Variants in DLGAP2 observed in about 807,000 individuals in gnomAD.
The protein encoded by DLGAP2 is disks large-associated protein 2.
In DLGAP2, 26 loss-of-function variants were observed where a neutral mutation model predicts 100.3. That is an observed-to-expected ratio of 0.26 (90% CI 0.19 to 0.36). DLGAP2 has a LOEUF of 0.36. Among genes scored for constraint, DLGAP2 ranks in the 10% least tolerant of loss-of-function variants. DLGAP2 has a pLI of 1.00. For missense variants in DLGAP2, 1,858 were observed against 1,453.2 expected (o/e 1.28, Z -4.53); for synonymous variants, 886 against 630.1 (o/e 1.41, Z -6.08).
At chr8:1,322,898 T>G (rs1479680956) in intron 3 of DLGAP2, among the ~76,000 whole-genome samples, 4 of 152,232 alleles carry the variant, frequency 2.6e-5, no homozygotes, top group Non-Finnish European at 5.9e-5. Flanking sequence ...CATTGTGTAC[T>G]ATTATCGGAG....
chr8:1,200,385 A>G (rs919665666), intron 2 of DLGAP2, among the ~76,000 whole-genome samples: 2 of 152,102 alleles, frequency 1.3e-5, no homozygotes, highest in African/African-American at 4.8e-5. Context: ...GTGCTTTCCG[A>G]TGTATTTCCT....
chr8:1,535,159 G>A (rs1801115732), intron 4 of DLGAP2, among the ~76,000 whole-genome samples: 1 of 152,236 alleles, frequency 6.6e-6, no homozygotes. Context: ...CCCGACAGAT[G>A]CCCAGAAGTC....
At chr8:1,119,137 G>A (rs545597829) in intron 2 of DLGAP2, among the ~76,000 whole-genome samples, 1 of 152,310 alleles carries the variant, frequency 6.6e-6, no homozygotes, top group South Asian at 2.1e-4. Flanking sequence ...CTGATTTGCA[G>A]TTTGGCCCAT....
At chr8:1,682,720 C>G (rs141219403) in intron 12 of DLGAP2, among the ~76,000 whole-genome samples, 2 of 151,370 alleles carry the variant, frequency 1.3e-5, no homozygotes, top group African/African-American at 4.8e-5. Context: ...GTGATCTGCC[C>G]CCCTTGCCCT....
At chr8:1,470,493 T>G (rs1798749641) in intron 3 of DLGAP2, among the ~76,000 whole-genome samples, 1 of 152,130 alleles carries the variant, frequency 6.6e-6, no homozygotes, top group Non-Finnish European at 1.5e-5. Flanking sequence ...TTCTGAATAC[T>G]TTCACAGAAT....
At chr8:966,834 C>A (rs1420034041) in intron 2 of DLGAP2, among the ~76,000 whole-genome samples, 3 of 152,210 alleles carry the variant, frequency 2.0e-5, no homozygotes, top group African/African-American at 7.2e-5. Context: ...TATTTCCACG[C>A]CTGTAAAATA....
intron 3 of DLGAP2, among the ~76,000 whole-genome samples, chr8:1,372,423 C>G (rs1368739811): frequency 6.6e-6 from 1 of 152,232 alleles, no homozygotes; most frequent in Non-Finnish European, 1.5e-5. Context: ...TCCTCCCTCT[C>G]CTGGTGTGGG....
At chr8:1,467,793 C>T (rs927949164) in intron 3 of DLGAP2, among the ~76,000 whole-genome samples, 8 of 152,214 alleles carry the variant, frequency 5.3e-5, no homozygotes, top group African/African-American at 1.7e-4. Flanking sequence ...AACTGTGTCC[C>T]ACAGTGCCTT....
At chr8:1,038,862 C>T in intron 2 of DLGAP2, among the ~76,000 whole-genome samples, 1 of 152,204 alleles carries the variant, frequency 6.6e-6, no homozygotes, top group South Asian at 2.1e-4. Context: ...TGTGAGGAAC[C>T]TCATTGAGAC....
At chr8:1,235,954 A>G in intron 2 of DLGAP2, among the ~76,000 whole-genome samples, 1 of 4,762 alleles carries the variant, frequency 2.1e-4, no homozygotes, top group Non-Finnish European at 8.0e-4. Context: ...CGCCGTGTCT[A>G]GTTACGTCTT....
intron 6 of DLGAP2, among the ~76,000 whole-genome samples, chr8:1,626,407 A>G (rs11998452): frequency 1.2e-3 from 76 of 63,350 alleles, no homozygotes; most frequent in African/African-American, 6.4e-3. Context: ...TCCCATCTCT[A>G]CCCTGCAGCG....
At chr8:760,509 T>C (rs1237280150) in intron 1 of DLGAP2, among the ~76,000 whole-genome samples, 1 of 152,212 alleles carries the variant, frequency 6.6e-6, no homozygotes, top group Non-Finnish European at 1.5e-5. Flanking sequence ...TTTGAAAGTT[T>C]GGTTGGGTAT....
At chr8:1,269,303 C>A (rs1308635093) in intron 3 of DLGAP2, among the ~76,000 whole-genome samples, 2 of 152,178 alleles carry the variant, frequency 1.3e-5, no homozygotes, top group Non-Finnish European at 2.9e-5. Flanking sequence ...GCCTGGAGCT[C>A]CCAGCCTGCA....
intron 2 of DLGAP2, chr8:1,019,159 C>T (rs202125275): frequency 8.5e-5 from 13 of 152,264 alleles, no homozygotes; most frequent in East Asian, 1.9e-4. Context: ...ATCATGCAGA[C>T]GTTGTTCTAG....
chr8:1,211,305 A>C (rs1325247895), intron 2 of DLGAP2, among the ~76,000 whole-genome samples: 3 of 152,216 alleles, frequency 2.0e-5, no homozygotes, highest in Admixed American at 6.5e-5. Flanking sequence ...GGGTCTAATC[A>C]GTGGAGCCTG....
intron 3 of DLGAP2, among the ~76,000 whole-genome samples, chr8:1,482,538 C>T (rs1319205787): frequency 1.3e-5 from 2 of 152,244 alleles, no homozygotes; most frequent in African/African-American, 4.8e-5. Flanking sequence ...TGCAGAGGAC[C>T]TTGTAGTTAA....
Position 1,232,864 on chromosome 8 carries a change from G to A in DLGAP2, c.74-25987G>A, listed in dbSNP as rs187128564. 3.2e-3 allele frequency among the ~76,000 whole-genome samples: 480 copies of A among 152,284 alleles called. 5 individuals are homozygous for A. The highest frequency in any genetic ancestry group is 5.6e-3 in the Non-Finnish European group (379 of 68,026). On this transcript the variant is annotated intron_variant, in intron 2 of 14. Coordinates refer to ENST00000637795, the MANE Select transcript of DLGAP2 (RefSeq NM_001346810.2). ...CCAGTGGCTTTTAGTGTGTTTGCAC[G>A]GTTGTGCAGCCATCGCCATAATCTA... is the stretch of plus-strand genomic sequence containing the variant.
At chr8:1,380,799 C>G (rs542331061) in intron 3 of DLGAP2, among the ~76,000 whole-genome samples, 142 of 151,964 alleles carry the variant, frequency 9.3e-4, no homozygotes, top group Non-Finnish European at 1.6e-3. Context: ...ACATTGAACT[C>G]ACAATACCTT....
chr8:1,596,919 T>C (rs750254563), intron 6 of DLGAP2, among the ~76,000 whole-genome samples: 4 of 152,250 alleles, frequency 2.6e-5, no homozygotes, highest in Non-Finnish European at 5.9e-5. Flanking sequence ...TCTTGGTGTT[T>C]TAGTCATGAA....
Sources: allele counts gnomAD v4.1 joint callset (sites outside exome capture counted in the v4.1 genomes callset), GRCh38; gene constraint gnomAD v4.1.1; transcripts MANE v1.5; gene names NCBI Gene and HGNC (gene_info 2026-07-23, HGNC 2026-07-21).